TBC1D19: variants seen among roughly 807,000 people sequenced by gnomAD.
TBC1D19 encodes the protein TBC1 domain family member 19, also known as TBC1 domain family, member 19.
TBC1D19 carries 60 observed loss-of-function variants against 89.0 expected under a neutral mutation model. That is an observed-to-expected ratio of 0.67 (90% CI 0.55 to 0.84). The LOEUF is 0.84. TBC1D19 is among the 40% of genes least tolerant of loss of function. The probability of loss-of-function intolerance (pLI) is 0.00; values close to 1 mark genes in which losing one functional copy is unlikely to be tolerated. For missense variants in TBC1D19, 500 were observed against 610.8 expected (o/e 0.82, Z 1.91); for synonymous variants, 189 against 199.7 (o/e 0.95, Z 0.45).
At chr4:26,602,144 A>G (rs1218558837) in intron 1 of TBC1D19, among the ~76,000 whole-genome samples, 1 of 152,238 alleles carries the variant, frequency 6.6e-6, no homozygotes, top group African/African-American at 2.4e-5. Flanking sequence ...AATTAGAAGT[A>G]CTTACCATGT....
chr4:26,690,600 T>A (rs1714188533), intron 13 of TBC1D19, among the ~76,000 whole-genome samples: 1 of 152,220 alleles, frequency 6.6e-6, no homozygotes, highest in African/African-American at 2.4e-5. Flanking sequence ...CTTAATCTAC[T>A]CTGCCTGTGC....
At chr4:26,761,936 G>A in the TBC1D19 span, among the ~76,000 whole-genome samples, 1 of 152,072 alleles carries the variant, frequency 6.6e-6, no homozygotes, top group Non-Finnish European at 1.5e-5. Flanking sequence ...AGACCAGTCT[G>A]GCCAACATGG....
intron 13 of TBC1D19, among the ~76,000 whole-genome samples, chr4:26,702,650 G>A (rs1472597525): frequency 1.3e-5 from 2 of 152,132 alleles, no homozygotes; most frequent in Non-Finnish European, 2.9e-5. Flanking sequence ...TAGGTCTCAT[G>A]ACTTCTCCTG....
the TBC1D19 span, among the ~76,000 whole-genome samples, chr4:26,815,171 T>G: frequency 2.6e-5 from 4 of 152,386 alleles, no homozygotes; most frequent in African/African-American, 9.6e-5. Context: ...GGATGGCATT[T>G]GCCAATAAGA....
intron 7 of TBC1D19, among the ~76,000 whole-genome samples, chr4:26,646,548 A>T (rs925486887): frequency 1.3e-5 from 2 of 152,234 alleles, no homozygotes; most frequent in Non-Finnish European, 2.9e-5. Flanking sequence ...AATAGCAAAG[A>T]CTTGGAACCA....
intron 15 of TBC1D19, among the ~76,000 whole-genome samples, chr4:26,729,702 G>A (rs1256713262): frequency 2.6e-5 from 4 of 152,164 alleles, no homozygotes; most frequent in Non-Finnish European, 2.9e-5. Flanking sequence ...TGCCAAGGGG[G>A]AGGCAGATGT....
intron 1 of TBC1D19, 77 bp downstream of exon 1, chr4:26,584,369 G>A (rs1739278871): frequency 1.3e-5 from 18 of 1,363,924 alleles, no homozygotes; most frequent in Non-Finnish European, 1.8e-5. Flanking sequence ...CCTCACCCAA[G>A]CCAGAGCTCG....
At chr4:26,603,536 C>T (rs1740768499) in intron 1 of TBC1D19, among the ~76,000 whole-genome samples, 1 of 152,018 alleles carries the variant, frequency 6.6e-6, no homozygotes, top group African/African-American at 2.4e-5. Flanking sequence ...AATACTCTTC[C>T]TTTTTCCAGT....
the TBC1D19 span, among the ~76,000 whole-genome samples, chr4:26,840,846 G>T: frequency 1.2e-4 from 18 of 152,230 alleles, no homozygotes; most frequent in South Asian, 3.5e-3. Context: ...CAGCTCAAGC[G>T]CTGTCCTTCT....
chr4:26,652,217 A>G (rs750350813), intron 7 of TBC1D19, among the ~76,000 whole-genome samples: 14 of 151,940 alleles, frequency 9.2e-5, no homozygotes, highest in Non-Finnish European at 1.6e-4. Context: ...TCAGGATGAT[A>G]CTGGCCTTAT....
At chr4:26,622,011 G>A (rs1302201241) in intron 4 of TBC1D19, among the ~76,000 whole-genome samples, 1 of 151,898 alleles carries the variant, frequency 6.6e-6, no homozygotes, top group Non-Finnish European at 1.5e-5. Flanking sequence ...ACCAAACACC[G>A]CATGTTCTCA....
chr4:26,667,525 G>A (rs1421450346), intron 9 of TBC1D19, among the ~76,000 whole-genome samples: 1 of 151,990 alleles, frequency 6.6e-6, no homozygotes, highest in Non-Finnish European at 1.5e-5. Context: ...TGTTATATGT[G>A]TTTATAGATC....
At chr4:26,585,128 T>C (rs1292324513) in intron 1 of TBC1D19, 1 of 432,682 alleles carries the variant, frequency 2.3e-6, no homozygotes. Flanking sequence ...TTTGCTTGGA[T>C]ATTTGTTTCT....
the TBC1D19 span, among the ~76,000 whole-genome samples, chr4:26,814,472 G>A: frequency 6.6e-6 from 1 of 152,284 alleles, no homozygotes; most frequent in South Asian, 2.1e-4. Context: ...GCCCTACTCT[G>A]AGATCAGACG....
chr4:26,803,263 G>A, the TBC1D19 span, among the ~76,000 whole-genome samples: 3 of 152,170 alleles, frequency 2.0e-5, no homozygotes, highest in Non-Finnish European at 4.4e-5. Flanking sequence ...CAGTGCACCT[G>A]ACAAATAGCT....
chr4:26,769,937 A>C, the TBC1D19 span, among the ~76,000 whole-genome samples: 1 of 152,114 alleles, frequency 6.6e-6, no homozygotes, highest in Non-Finnish European at 1.5e-5. Context: ...AAATCTTCAA[A>C]CAACCACTAA....
chr4:26,831,728 G>T, the TBC1D19 span, among the ~76,000 whole-genome samples: 13 of 151,772 alleles, frequency 8.6e-5, no homozygotes, highest in African/African-American at 3.1e-4. Context: ...GACTACAGGT[G>T]CATAGGTGCA....
intron 15 of TBC1D19, among the ~76,000 whole-genome samples, chr4:26,731,058 G>T (rs1212295089): frequency 6.6e-6 from 1 of 152,184 alleles, no homozygotes; most frequent in Non-Finnish European, 1.5e-5. Flanking sequence ...GAGGAAGCAG[G>T]TTAAGTAACA....
the TBC1D19 span, among the ~76,000 whole-genome samples, chr4:26,781,005 T>C: frequency 1.3e-5 from 2 of 152,238 alleles, no homozygotes; most frequent in Non-Finnish European, 2.9e-5. Flanking sequence ...GATCCAGGTC[T>C]TGAACTATGT....
Sources: allele counts gnomAD v4.1 joint callset (sites outside exome capture counted in the v4.1 genomes callset), GRCh38; gene constraint gnomAD v4.1.1; transcripts MANE v1.5; gene names NCBI Gene and HGNC (gene_info 2026-07-23, HGNC 2026-07-21).